Variants in SAMM50 observed in about 807,000 individuals in gnomAD.
The protein encoded by SAMM50 is SAMM50 sorting and assembly machinery component, also known as sorting and assembly machinery component 50 homolog.
In SAMM50, 47 loss-of-function variants were observed where a neutral mutation model predicts 66.9. The observed-to-expected ratio is 0.70, with a 90% CI of 0.56 to 0.90. The LOEUF is 0.90. Among genes scored for constraint, SAMM50 ranks in the 40% least tolerant of loss-of-function variants. The pLI is 0.00. For synonymous variants in SAMM50, 191 were observed against 214.1 expected (o/e 0.89, Z 0.94); for missense variants, 535 against 595.3 (o/e 0.90, Z 1.05).
intron 14 of SAMM50, among the ~76,000 whole-genome samples, chr22:43,995,905 T>C (rs2050350883): frequency 6.6e-6 from 1 of 152,150 alleles, no homozygotes; most frequent in Non-Finnish European, 1.5e-5. Context: ...TACTGCTGGT[T>C]TCCTAAGCCC....
In SAMM50 at chr22:43,973,223, C is replaced by T; in HGVS notation, c.561-13C>T. 1 of 1,527,728 alleles carries T rather than the reference C, an allele frequency of 6.5e-7. No individual in the cohort carries two copies. Among genetic ancestry groups the T allele is most frequent in the Non-Finnish European group, 9.1e-7 (1 of 1,101,740 alleles). The allele number at this position is 1,527,728 out of a possible 1,614,324, so 94.6% of individuals were successfully genotyped here. ...TGTTTCAGCTTTTAAAGCTCTATCCCATTGTCTCCTAGTTTCTCTGTAAAC... is the reference window on the plus strand; with the variant it reads ...TGTTTCAGCTTTTAAAGCTCTATCCTATTGTCTCCTAGTTTCTCTGTAAAC... On this transcript the variant is annotated splice_polypyrimidine_tract_variant and intron_variant, in intron 6 of 14. Transcript: ENST00000350028.
chr22:43,963,202 C>G lies in SAMM50; in HGVS notation c.22-84C>G, dbSNP rs1047199417. 3.5e-5 allele frequency: 28 copies of G among 795,324 alleles called. No individual in the cohort carries two copies. The African/African-American group carries it at 4.7e-4, about 13-fold the overall frequency. The allele number at this position is 795,324 out of a possible 1,614,324, so 49.3% of individuals were successfully genotyped here. A position where few individuals can be genotyped will look rare whatever the true frequency, so the allele number is the denominator to read the frequency against. On this transcript the variant is annotated intron_variant, in intron 1 of 14. Transcript: ENST00000350028. The stretch of plus-strand genomic sequence containing the variant: ...GGAACAACTACTGAATTTTCTGCAG[C>G]ACCATCTAAAGACAAAACTCAAAGG...
chr22:43,985,843 G>C (rs918180739), intron 12 of SAMM50, among the ~76,000 whole-genome samples: 1 of 151,852 alleles, frequency 6.6e-6, no homozygotes, highest in Non-Finnish European at 1.5e-5. Flanking sequence ...GAATGAGAGA[G>C]AGAAAGTTTA....
chr22:43,992,819 G>A (rs1224432637), intron 14 of SAMM50, among the ~76,000 whole-genome samples: 3 of 152,218 alleles, frequency 2.0e-5, no homozygotes, highest in Non-Finnish European at 2.9e-5. Context: ...TCACACAAGG[G>A]AACAGGTTCC....
rs753374189 is a variant in SAMM50, at chr22:43,996,367, G to T, written c.1394G>T (p.Gly465Val). 6.2e-7 allele frequency: 1 copy of T among 1,614,178 alleles called. No individual in the cohort carries two copies. Among genetic ancestry groups the T allele is most frequent in the Admixed American group, 1.7e-5 (1 of 60,030 alleles). ...TGTGATGGCGTCCAGTTTGGAGCTG[G>T]GATAAGGTTCCTGTAGCCGACACCC... is the stretch of plus-strand genomic sequence containing the variant. ...RICDGVQFGA[G>V]IRFL is the part of the protein sequence containing the mutation. The change falls in exon 15 of 15, where the codon GGG (glycine) becomes GTG (valine). Residue 465 changes from glycine to valine, a missense_variant. Transcript: ENST00000350028.
chr22:43,960,930 C>T lies in SAMM50; in HGVS notation c.22-2356C>T, dbSNP rs189597907. On this transcript the variant is annotated intron_variant, in intron 1 of 14. Transcript: ENST00000350028. ...CAAGGTATGCAAAAGCCTGAATGTGCGGGTGGAGCGGGTGGTGGAGATGGA... is the reference window on the plus strand; with the variant it reads ...CAAGGTATGCAAAAGCCTGAATGTGTGGGTGGAGCGGGTGGTGGAGATGGA... Among the ~76,000 whole-genome samples the T allele has an allele frequency of 7.9e-5, 12 of 152,178 alleles. No homozygotes were observed. The East Asian group carries it at 1.2e-3, about 15-fold the overall frequency.
chr22:43,978,306 G>A (rs1247290734), intron 10 of SAMM50, among the ~76,000 whole-genome samples: 6 of 151,438 alleles, frequency 4.0e-5, no homozygotes, highest in Admixed American at 4.0e-4. Flanking sequence ...GTGGTGGTGG[G>A]CGCCTGAAGT....
At chr22:43,992,367 C>T (rs557968177) in intron 14 of SAMM50, among the ~76,000 whole-genome samples, 35 of 152,372 alleles carry the variant, frequency 2.3e-4, no homozygotes, top group Admixed American at 1.6e-3. Context: ...ATCTGCTCCG[C>T]GTCTGGGGAC....
chr22:43,984,233 AC>A (rs2050279871), intron 12 of SAMM50, among the ~76,000 whole-genome samples: 1 of 152,202 alleles, frequency 6.6e-6, no homozygotes, highest in Non-Finnish European at 1.5e-5. Flanking sequence ...CCGCAGTCCT[AC>A]CCAGAGAGAA....
rs567884647 is a variant in SAMM50 at position 43,972,021 on chromosome 22, A to C, written c.323-215A>C. On this transcript the variant is annotated intron_variant, in intron 4 of 14. Coordinates refer to ENST00000350028, the MANE Select transcript of SAMM50 (RefSeq NM_015380.5). Reference sequence around the variant, plus strand: ...GCCCTGTTTATTGATATATTCTACCAGAGAAACTAGAAACATTATTTTTTG... The same window carrying C: ...GCCCTGTTTATTGATATATTCTACCCGAGAAACTAGAAACATTATTTTTTG... 5.3e-5 allele frequency among the ~76,000 whole-genome samples: 8 copies of C among 152,322 alleles called. No homozygotes were observed. In the South Asian group the frequency reaches 1.4e-3, roughly 28 times the overall value.
At chr22:43,995,666 TG>T (rs1424132364) in intron 14 of SAMM50, among the ~76,000 whole-genome samples, 1 of 152,206 alleles carries the variant, frequency 6.6e-6, no homozygotes, top group African/African-American at 2.4e-5. Flanking sequence ...GAGCCGGGTC[TG>T]GAGTCCTGTC....
At chr22:43,976,493 G>A (rs1569030430) in intron 8 of SAMM50, among the ~76,000 whole-genome samples, 2 of 152,220 alleles carry the variant, frequency 1.3e-5, no homozygotes, top group Admixed American at 1.3e-4. Context: ...GAACGAACCC[G>A]GTGGTGGGTG....
At chr22:43,976,676 A>G in intron 8 of SAMM50, 74 bp from the exon 9 acceptor site, 1 of 1,084,092 alleles carries the variant, frequency 9.2e-7, no homozygotes, top group South Asian at 1.3e-5. Context: ...GGTGTGGCCC[A>G]CGTGCTGTGA....
Position 43,990,197 on chromosome 22 carries a change from T to TCTGGGAGAG in SAMM50, c.1223-56_1223-48dup, listed in dbSNP as rs2050315772. ...CCCAGCCAGGGGGAGCCAGGGCTTG[T>TCTGGGAGAG]CTGGGAGAGCTGGGAGAGCTTGGAA... On this transcript the variant is annotated intron_variant, in intron 13 of 14. Coordinates refer to ENST00000350028, the MANE Select transcript of SAMM50 (RefSeq NM_015380.5). 78 of 1,594,806 alleles carry TCTGGGAGAG rather than the reference T, an allele frequency of 4.9e-5. 1 individual carries two copies. The South Asian group carries it at 8.0e-4, about 16-fold the overall frequency.
intron 14 of SAMM50, among the ~76,000 whole-genome samples, chr22:43,993,274 G>GCCACTGC (rs2050335390): frequency 6.6e-6 from 1 of 152,244 alleles, no homozygotes; most frequent in Non-Finnish European, 1.5e-5. Context: ...CACTGTGCAC[G>GCCACTGC]TCTCGGGCAG....
At chr22:43,994,367 G>A (rs1052757477) in intron 14 of SAMM50, among the ~76,000 whole-genome samples, 1 of 152,162 alleles carries the variant, frequency 6.6e-6, no homozygotes, top group Non-Finnish European at 1.5e-5. Context: ...TTGAGCTCAG[G>A]ACTTCATCTG....
chr22:43,996,128 C>T, intron 14 of SAMM50: 1 of 672,294 alleles, frequency 1.5e-6, no homozygotes, highest in South Asian at 1.7e-5. Flanking sequence ...TTTCCATTCT[C>T]CGAGGGCTTA....
intron 14 of SAMM50, among the ~76,000 whole-genome samples, chr22:43,994,668 G>A (rs912863500): frequency 1.3e-5 from 2 of 152,212 alleles, no homozygotes; most frequent in African/African-American, 4.8e-5. Context: ...CAAGACAGCG[G>A]CCGTGAGGGA....
chr22:43,981,260 G>A lies in SAMM50; in HGVS notation c.937-131G>A, dbSNP rs550014004. 20 of 701,950 alleles carry A rather than the reference G, an allele frequency of 2.8e-5. No homozygotes were observed. In the African/African-American group the frequency reaches 3.2e-4, roughly 11 times the overall value. 43.5% of individuals were successfully genotyped at this position (701,950 alleles called of 1,614,324 possible). A position where few individuals can be genotyped will look rare whatever the true frequency, so the allele number is the denominator to read the frequency against. On this transcript the variant is annotated intron_variant, in intron 10 of 14. Transcript: ENST00000350028. ...AACGGGACAAGCCAGGCATTCTCCT[G>A]CGGCCCTTGCACCCCATCGCGGAGC... is the stretch of plus-strand genomic sequence containing the variant.
Sources: allele counts gnomAD v4.1 joint callset (sites outside exome capture counted in the v4.1 genomes callset), GRCh38; gene constraint gnomAD v4.1.1; transcripts MANE v1.5; gene names NCBI Gene and HGNC (gene_info 2026-07-23, HGNC 2026-07-21).